The following MYOM2 variants were observed in gnomAD, a reference collection of about 807,000 sequenced individuals.
The protein encoded by MYOM2 is myomesin-2.
MYOM2 carries 254 observed loss-of-function variants against 187.6 expected under a neutral mutation model. That is an observed-to-expected ratio of 1.35 (90% CI 1.22 to 1.50). MYOM2 has a LOEUF of 1.50. MYOM2 is among the 40% of genes most tolerant of loss of function. The pLI, the probability that MYOM2 is intolerant of heterozygous loss-of-function variation, is 0.00. For missense variants in MYOM2, 2,796 were observed against 1,924.0 expected (o/e 1.45, Z -8.48); for synonymous variants, 981 against 753.8 (o/e 1.30, Z -4.94).
At chr8:2,135,678 G>C (rs754048302) in intron 32 of MYOM2, among the ~76,000 whole-genome samples, 1 of 152,122 alleles carries the variant, frequency 6.6e-6, no homozygotes, top group Non-Finnish European at 1.5e-5. Context: ...AAGGAATTTG[G>C]TCATGTTTTG....
chr8:2,083,668 C>A (rs1819712208), intron 13 of MYOM2, among the ~76,000 whole-genome samples: 1 of 152,208 alleles, frequency 6.6e-6, no homozygotes, highest in African/African-American at 2.4e-5. Flanking sequence ...CACTCATGCC[C>A]ACCCCTGTGC....
intron 36 of MYOM2, 75 bp downstream of exon 36, chr8:2,143,531 A>G (rs1798352785): frequency 1.9e-6 from 3 of 1,573,828 alleles, no homozygotes; most frequent in Non-Finnish European, 2.6e-6. Context: ...CTTGGGGCGG[A>G]GCAGAGGGAA....
At chr8:2,134,603 T>C (rs1798001017) in intron 32 of MYOM2, among the ~76,000 whole-genome samples, 1 of 152,204 alleles carries the variant, frequency 6.6e-6, no homozygotes, top group Admixed American at 6.5e-5. Flanking sequence ...TTTACATTTG[T>C]TCTGCTGGGA....
chr8:2,090,295 G>A (rs578026298), intron 15 of MYOM2, 104 bp downstream of exon 15: 12 of 1,143,228 alleles, frequency 1.0e-5, no homozygotes, highest in African/African-American at 7.9e-5. Context: ...TTATAAACGA[G>A]TTGAAGTTCA....
In MYOM2 at chr8:2,129,057, C is replaced by T. The variant is rs554919438; in HGVS notation, c.3695-70C>T. The T allele has an allele frequency of 1.9e-5, 22 of 1,183,624 alleles. No individual in the cohort carries two copies. In the East Asian group the frequency reaches 4.3e-4, roughly 23 times the overall value. The allele number at this position is 1,183,624 out of a possible 1,614,324, so 73.3% of individuals were successfully genotyped here. A position where few individuals can be genotyped will look rare whatever the true frequency, so the allele number is the denominator to read the frequency against. On this transcript the variant is annotated intron_variant, in intron 31 of 36. Transcript: ENST00000262113. ...AGGTGGGGACAGGAGGGCTTGCCGCCGCGATGCTTTCTGTGATCACACAGC... is the reference window on the plus strand; with the variant it reads ...AGGTGGGGACAGGAGGGCTTGCCGCTGCGATGCTTTCTGTGATCACACAGC...
Position 2,075,375 on chromosome 8 carries a change from G to C in MYOM2, c.1121-766G>C, listed in dbSNP as rs141333033. On this transcript the variant is annotated intron_variant, in intron 10 of 36. Transcript: ENST00000262113. ...GCAACAGGAGGAAAATAAGGCAAAG[G>C]TGGGGAGTTTAACCATTTTCATCGC... is the stretch of plus-strand genomic sequence containing the variant. 1.8e-4 allele frequency among the ~76,000 whole-genome samples: 27 copies of C among 152,298 alleles called. No individual in the cohort carries two copies. The East Asian group carries it at 4.5e-3, about 25-fold the overall frequency.
intron 1 of MYOM2, among the ~76,000 whole-genome samples, chr8:2,046,058 G>A (rs920440602): frequency 6.6e-6 from 1 of 152,220 alleles, no homozygotes; most frequent in Non-Finnish European, 1.5e-5. Flanking sequence ...TGGGAGCCAA[G>A]GGCTTAGCCA....
At chr8:2,049,839 C>A (rs1378388005) in intron 1 of MYOM2, among the ~76,000 whole-genome samples, 1 of 152,162 alleles carries the variant, frequency 6.6e-6, no homozygotes, top group African/African-American at 2.4e-5. Flanking sequence ...ATGTCTAATA[C>A]CTGTAATGCT....
In MYOM2 at chr8:2,100,605, C is replaced by G. The variant is rs1038257201; in HGVS notation, c.2441-271C>G. ...ACACCGTTCCTCTCTGTGATCGCAT[C>G]TGCTGGTCCCGAGAATGCAGTGTGG... On this transcript the variant is annotated intron_variant, in intron 19 of 36. Transcript: ENST00000262113. 17 of 462,976 alleles carry G rather than the reference C, an allele frequency of 3.7e-5. No individual in the cohort carries two copies. In the South Asian group the frequency reaches 5.5e-4, roughly 15 times the overall value. 28.7% of individuals were successfully genotyped at this position (462,976 alleles called of 1,614,324 possible).
intron 28 of MYOM2, among the ~76,000 whole-genome samples, chr8:2,118,690 A>T (rs1167087878): frequency 6.6e-6 from 1 of 152,156 alleles, no homozygotes; most frequent in Non-Finnish European, 1.5e-5. Flanking sequence ...TAAAAACAAT[A>T]AAAAACCCAA....
At chr8:2,057,145 C>T (rs1818692657) in intron 3 of MYOM2, among the ~76,000 whole-genome samples, 1 of 152,220 alleles carries the variant, frequency 6.6e-6, no homozygotes, top group African/African-American at 2.4e-5. Context: ...TTCTTTACAA[C>T]TTCATCATGC....
chr8:2,115,802 C>T (rs985361926), intron 25 of MYOM2, among the ~76,000 whole-genome samples, 158 bp from the exon 26 acceptor site: 3 of 152,190 alleles, frequency 2.0e-5, no homozygotes, highest in African/African-American at 7.2e-5. Flanking sequence ...CTGTTTGATC[C>T]TTGTTCACCC....
At chr8:2,084,766 G>A (rs953248107) in intron 13 of MYOM2, among the ~76,000 whole-genome samples, 6 of 152,210 alleles carry the variant, frequency 3.9e-5, no homozygotes, top group South Asian at 2.1e-4. Flanking sequence ...TGAGGGAGGA[G>A]CAGGCAAGGT....
At chr8:2,123,919 G>C (rs1240143791) in intron 30 of MYOM2, among the ~76,000 whole-genome samples, 1 of 152,184 alleles carries the variant, frequency 6.6e-6, no homozygotes, top group Non-Finnish European at 1.5e-5. Flanking sequence ...TTAAAATGAT[G>C]GAAACACTGA....
intron 1 of MYOM2, 92 bp from the exon 2 acceptor site, chr8:2,050,663 A>G: frequency 1.5e-6 from 1 of 669,694 alleles, no homozygotes. Context: ...TATTAACTGG[A>G]GTTCATTTTC....
chr8:2,132,832 A>G (rs1285150923), intron 32 of MYOM2, among the ~76,000 whole-genome samples: 2 of 152,220 alleles, frequency 1.3e-5, no homozygotes, highest in African/African-American at 4.8e-5. Flanking sequence ...ATGCTCTCCT[A>G]AAATCTCAGC....
intron 31 of MYOM2, among the ~76,000 whole-genome samples, chr8:2,125,841 A>T (rs962443168): frequency 2.6e-5 from 4 of 151,396 alleles, no homozygotes; most frequent in African/African-American, 9.7e-5. Context: ...ATTTCCTGAC[A>T]TTGTGATCCG....
At chr8:2,140,259 A>T (rs1798226374) in intron 32 of MYOM2, among the ~76,000 whole-genome samples, 1 of 152,134 alleles carries the variant, frequency 6.6e-6, no homozygotes, top group African/African-American at 2.4e-5. Flanking sequence ...TATGGACCAC[A>T]TTCTACTGAT....
At chr8:2,114,697 C>G (rs1797179893) in intron 25 of MYOM2, among the ~76,000 whole-genome samples, 2 of 152,142 alleles carry the variant, frequency 1.3e-5, no homozygotes, top group African/African-American at 2.4e-5. Context: ...CTCGAACTCC[C>G]CACCTCAGGT....
Sources: allele counts gnomAD v4.1 joint callset (sites outside exome capture counted in the v4.1 genomes callset), GRCh38; gene constraint gnomAD v4.1.1; transcripts MANE v1.5; gene names NCBI Gene and HGNC (gene_info 2026-07-23, HGNC 2026-07-21).